The following NELL1 variants were observed in gnomAD, a reference collection of about 807,000 sequenced individuals.
NELL1 encodes neural EGFL like 1.
A neutral mutation model predicts 107.4 loss-of-function variants in NELL1; 76 were observed. That is an observed-to-expected ratio of 0.71 (90% confidence interval 0.59 to 0.86). The LOEUF (loss-of-function observed/expected upper bound fraction) is 0.86, where lower values mean the gene tolerates loss of function less well. NELL1 is among the 40% of genes least tolerant of loss of function. The probability of loss-of-function intolerance (pLI) is 0.00; values close to 1 mark genes in which losing one functional copy is unlikely to be tolerated. For synonymous variants in NELL1, 353 were observed against 341.2 expected, an observed-to-expected ratio of 1.03 and a Z score of -0.38; for missense variants, 1,024 against 1,005.5, an observed-to-expected ratio of 1.02 and a Z score of -0.25.
intron 14 of NELL1, among the ~76,000 whole-genome samples, chr11:21,309,277 TATGTA>T (rs1336813569): frequency 2.9e-4 from 4 of 13,572 alleles, no homozygotes; most frequent in South Asian, 2.0e-3. Flanking sequence ...TATATATATA[TATGTA>T]TATATATATA....
At chr11:21,111,690 A>G (rs1156247777) in intron 12 of NELL1, among the ~76,000 whole-genome samples, 1 of 152,080 alleles carries the variant, frequency 6.6e-6, no homozygotes, top group Admixed American at 6.6e-5. Context: ...CTTTCCACTT[A>G]GAAGTGATAT....
At chr11:20,963,190 C>T (rs945758510) in intron 12 of NELL1, among the ~76,000 whole-genome samples, 7 of 152,194 alleles carry the variant, frequency 4.6e-5, no homozygotes, top group African/African-American at 1.4e-4. Flanking sequence ...GGCTTAAAAA[C>T]CTTGTCTGTG....
At chr11:21,246,557 G>A (rs932228882) in intron 14 of NELL1, among the ~76,000 whole-genome samples, 3 of 152,092 alleles carry the variant, frequency 2.0e-5, no homozygotes, top group Non-Finnish European at 4.4e-5. Context: ...AAACCTAGAT[G>A]GTATAGCTTA....
intron 2 of NELL1, among the ~76,000 whole-genome samples, chr11:20,715,483 T>A (rs1027263740): frequency 2.0e-5 from 3 of 152,198 alleles, no homozygotes; most frequent in African/African-American, 7.2e-5. Context: ...GACATAGGAT[T>A]TGAACTCAGG....
At chr11:20,905,191 T>C (rs1296456883) in intron 5 of NELL1, among the ~76,000 whole-genome samples, 2 of 152,000 alleles carry the variant, frequency 1.3e-5, no homozygotes, top group African/African-American at 4.8e-5. Flanking sequence ...TTACTACACA[T>C]GACTAGAAAT....
At chr11:21,364,680 T>C (rs1165097551) in intron 14 of NELL1, among the ~76,000 whole-genome samples, 1 of 152,220 alleles carries the variant, frequency 6.6e-6, no homozygotes, top group Admixed American at 6.5e-5. Context: ...TTTTATTTCA[T>C]ATTCTTCTAA....
chr11:20,925,429 C>T (rs1003252368), intron 7 of NELL1, among the ~76,000 whole-genome samples: 17 of 146,980 alleles, frequency 1.2e-4, no homozygotes, highest in African/African-American at 3.5e-4. Flanking sequence ...TACCCGCTAC[C>T]ACACCCGGCT....
At chr11:20,824,359 A>G (rs1204491707) in intron 3 of NELL1, among the ~76,000 whole-genome samples, 1 of 151,286 alleles carries the variant, frequency 6.6e-6, no homozygotes, top group Non-Finnish European at 1.5e-5. Flanking sequence ...AGACTACTAC[A>G]GTAAATTGGT....
chr11:21,103,992 A>G (rs966224832), intron 12 of NELL1, among the ~76,000 whole-genome samples: 2 of 152,190 alleles, frequency 1.3e-5, no homozygotes, highest in Admixed American at 6.5e-5. Context: ...TTTACGGCCT[A>G]TAGCATTTGG....
At chr11:20,841,390 A>G (rs1848620126) in intron 3 of NELL1, among the ~76,000 whole-genome samples, 1 of 148,538 alleles carries the variant, frequency 6.7e-6, no homozygotes, top group African/African-American at 2.5e-5. Flanking sequence ...TGGGGAATAT[A>G]TTTTAGTATG....
intron 12 of NELL1, among the ~76,000 whole-genome samples, chr11:21,080,715 A>G (rs1854246738): frequency 6.6e-6 from 1 of 152,144 alleles, no homozygotes; most frequent in Non-Finnish European, 1.5e-5. Flanking sequence ...TAAGTGGATT[A>G]CTATGTCAAA....
In NELL1 at chr11:21,570,781, C is replaced by T. The variant is rs1294079405; in HGVS notation, c.1998C>T (p.Cys666=). The change falls in exon 18 of 20, where the codon TGC becomes TGT. Residue 666 remains cysteine (C), a synonymous_variant. Transcript: ENST00000357134. ...CTAAACAGGATGGCAAGATATTCTG[C>T]CGACGGACAGCTTGTGATTGCCAGA... is the stretch of plus-strand genomic sequence containing the variant. The part of the protein sequence containing the change: ...VCSCKDGKIF[C]RRTACDCQNP... 5.6e-6 allele frequency: 9 copies of T among 1,611,180 alleles called. No homozygotes were observed. Among genetic ancestry groups the T allele is most frequent in the Non-Finnish European group, 7.6e-6 (9 of 1,178,386 alleles).
At chr11:20,901,347 A>G (rs1206519753) in intron 5 of NELL1, among the ~76,000 whole-genome samples, 1 of 152,134 alleles carries the variant, frequency 6.6e-6, no homozygotes, top group Non-Finnish European at 1.5e-5. Context: ...TTTTATTTAT[A>G]ATATCAAAAG....
intron 14 of NELL1, among the ~76,000 whole-genome samples, chr11:21,243,870 C>T (rs1183630277): frequency 6.6e-6 from 1 of 152,110 alleles, no homozygotes; most frequent in Admixed American, 6.6e-5. Context: ...CTTTAATCTG[C>T]ACCCTTAAGC....
At chr11:20,713,872 G>C (rs1855171828) in intron 2 of NELL1, among the ~76,000 whole-genome samples, 1 of 151,998 alleles carries the variant, frequency 6.6e-6, no homozygotes, top group African/African-American at 2.4e-5. Flanking sequence ...TTTTTATTTT[G>C]TGCAGCTCCC....
intron 16 of NELL1, among the ~76,000 whole-genome samples, chr11:21,558,555 C>G (rs1358664347): frequency 2.0e-5 from 3 of 151,818 alleles, no homozygotes; most frequent in Non-Finnish European, 4.4e-5. Context: ...ATTTTGTATT[C>G]ACTGCTTTTG....
chr11:21,346,998 A>G (rs1850697627), intron 14 of NELL1, among the ~76,000 whole-genome samples: 1 of 152,180 alleles, frequency 6.6e-6, no homozygotes, highest in African/African-American at 2.4e-5. Flanking sequence ...GCTTAAGACA[A>G]TCTTTGGCAA....
At chr11:20,955,614 T>TTA (rs1851154641) in intron 11 of NELL1, among the ~76,000 whole-genome samples, 1 of 152,208 alleles carries the variant, frequency 6.6e-6, no homozygotes, top group Non-Finnish European at 1.5e-5. Context: ...ACTGACCTCT[T>TTA]TAACAGGTAT....
At chr11:21,162,428 A>C (rs927235945) in intron 13 of NELL1, among the ~76,000 whole-genome samples, 1 of 152,312 alleles carries the variant, frequency 6.6e-6, no homozygotes, top group African/African-American at 2.4e-5. Flanking sequence ...CTACTGTATT[A>C]GTTAACTAGA....
Sources: allele counts gnomAD v4.1 joint callset (sites outside exome capture counted in the v4.1 genomes callset), GRCh38; gene constraint gnomAD v4.1.1; transcripts MANE v1.5; gene names NCBI Gene and HGNC (gene_info 2026-07-23, HGNC 2026-07-21).